MAP3K1: variants seen among roughly 807,000 people sequenced by gnomAD.
MAP3K1 encodes the protein MAP/ERK kinase kinase 1.
MAP3K1 carries 36 observed loss-of-function variants against 144.2 expected under a neutral mutation model. The ratio of observed to expected loss-of-function variants is 0.25; its 90% CI spans 0.19 to 0.33. MAP3K1 has a LOEUF of 0.33. Ranked by LOEUF, MAP3K1 falls within the 10% of genes least tolerant of loss-of-function variation. The pLI is 1.00. For synonymous variants in MAP3K1, 718 were observed against 688.7 expected (o/e 1.04, Z -0.67); for missense variants, 1,650 against 1,881.9 (o/e 0.88, Z 2.28).
At chr5:56,883,094 G>A (rs910341334) in intron 14 of MAP3K1, among the ~76,000 whole-genome samples, 2 of 152,206 alleles carry the variant, frequency 1.3e-5, no homozygotes, top group Non-Finnish European at 1.5e-5. Flanking sequence ...GGAAGCTGAG[G>A]TGGGGAGGGT....
Position 56,894,072 on chromosome 5 carries a change from G to T in MAP3K1, c.*392G>T, listed in dbSNP as rs189884848. 75 of 339,236 alleles carry T rather than the reference G, an allele frequency of 2.2e-4. 1 individual carries two copies. The East Asian group carries it at 3.1e-3, about 14-fold the overall frequency. The allele number at this position is 339,236 out of a possible 1,614,324, so 21.0% of individuals were successfully genotyped here. A position where few individuals can be genotyped will look rare whatever the true frequency, so the allele number is the denominator to read the frequency against. On this transcript the variant is annotated 3_prime_UTR_variant, in exon 20 of 20. Transcript: ENST00000399503. ...CTTCCATTTCATATAGTGATCACAAGCAGGGGGTTCTGCAATTCCGTTCAA... is the reference window on the plus strand; with the variant it reads ...CTTCCATTTCATATAGTGATCACAATCAGGGGGTTCTGCAATTCCGTTCAA...
At chr5:56,888,804 A>C (rs998068114) in intron 19 of MAP3K1, among the ~76,000 whole-genome samples, 3 of 152,196 alleles carry the variant, frequency 2.0e-5, no homozygotes, top group Non-Finnish European at 4.4e-5. Context: ...TATTAACTGC[A>C]TTTTCAACTT....
rs113321012 is a variant in MAP3K1, at chr5:56,860,043, T to TG, written c.834+136dup. 2,915 of 823,472 alleles carry TG rather than the reference T, an allele frequency of 3.5e-3. 4 individuals are homozygous for TG. The highest frequency in any genetic ancestry group is 8.7e-3 in the East Asian group (324 of 37,188). 51.0% of individuals were successfully genotyped at this position (823,472 alleles called of 1,614,324 possible). A position where few individuals can be genotyped will look rare whatever the true frequency, so the allele number is the denominator to read the frequency against. ...AATATGATCTGCAGACCCCTGAGGA[T>TG]GGGGGGGGTGGTTCCTGAGACCCTT... On this transcript the variant is annotated intron_variant, in intron 3 of 19. Transcript: ENST00000399503.
chr5:56,820,607 C>A (rs971645297), intron 1 of MAP3K1: 4 of 983,528 alleles, frequency 4.1e-6, no homozygotes, highest in Non-Finnish European at 4.8e-6. Flanking sequence ...TTGATTTGTG[C>A]TGTATTAAAT....
intron 1 of MAP3K1, among the ~76,000 whole-genome samples, chr5:56,826,237 T>TA (rs994984860): frequency 2.6e-5 from 4 of 152,184 alleles, no homozygotes; most frequent in African/African-American, 9.7e-5. Flanking sequence ...GGTATTCCAC[T>TA]AAAAAATAAA....
Position 56,860,049 on chromosome 5 carries a change from G to T in MAP3K1, c.834+134G>T, listed in dbSNP as rs1053891771. On this transcript the variant is annotated intron_variant, in intron 3 of 19. Transcript: ENST00000399503. ...ATCTGCAGACCCCTGAGGATGGGGG[G>T]GGTGGTTCCTGAGACCCTTTCTGGG... The T allele has an allele frequency of 4.5e-5, 37 of 820,522 alleles. No homozygotes were observed. In the East Asian group the frequency reaches 5.9e-4, roughly 13 times the overall value. The allele number at this position is 820,522 out of a possible 1,614,324, so 50.8% of individuals were successfully genotyped here. A position where few individuals can be genotyped will look rare whatever the true frequency, so the allele number is the denominator to read the frequency against.
At chr5:56,851,464 G>A (rs1172269628) in intron 1 of MAP3K1, among the ~76,000 whole-genome samples, 6 of 152,132 alleles carry the variant, frequency 3.9e-5, no homozygotes, top group Admixed American at 1.3e-4. Flanking sequence ...TGGTATAAAA[G>A]TGGCTGTCAT....
Position 56,882,541 on chromosome 5 carries a change from C to T in MAP3K1, c.3341C>T (p.Thr1114Ile), listed in dbSNP as rs1451626052. 1 of 1,614,082 alleles carries T rather than the reference C, an allele frequency of 6.2e-7. No individual in the cohort carries two copies. Among genetic ancestry groups the T allele is most frequent in the South Asian group, 1.1e-5 (1 of 91,076 alleles). The change falls in exon 14 of 20, where the codon ACC becomes ATC. Residue 1114 changes from threonine to isoleucine, a missense_variant. Transcript: ENST00000399503. ...ATACCCAGTGACGAGACAGTGTTCACCCCAGTAGAGGAGAAATGCAGATTA... is the reference window on the plus strand; with the variant it reads ...ATACCCAGTGACGAGACAGTGTTCATCCCAGTAGAGGAGAAATGCAGATTA... Reference protein sequence around the residue: ...AVIPSDETVFTPVEEKCRLDV... With the variant: ...AVIPSDETVFIPVEEKCRLDV...
chr5:56,871,899 CT>C lies in MAP3K1; in HGVS notation c.1302-7del. On this transcript the variant is annotated splice_polypyrimidine_tract_variant and intron_variant, in intron 6 of 19. Transcript: ENST00000399503. The stretch of plus-strand genomic sequence containing the variant: ...TTTATGCTTAATACTTTTTCTTCCC[CT>C]TTTCTATAGCATAAAGGATGAAGAG... The C allele has an allele frequency of 6.2e-7, 1 of 1,613,418 alleles. No homozygotes were observed. The highest frequency in any genetic ancestry group is 1.3e-5 in the African/African-American group (1 of 74,992).
chr5:56,837,140 C>T (rs1296774847), intron 1 of MAP3K1, among the ~76,000 whole-genome samples: 1 of 151,666 alleles, frequency 6.6e-6, no homozygotes, highest in African/African-American at 2.4e-5. Flanking sequence ...ACCCCCTGAG[C>T]TAGTTCCCTT....
intron 3 of MAP3K1, among the ~76,000 whole-genome samples, 191 bp from the exon 4 acceptor site, chr5:56,864,543 T>C (rs1424249192): frequency 6.6e-6 from 1 of 152,074 alleles, no homozygotes; most frequent in East Asian, 1.9e-4. Flanking sequence ...CCCAGCTGAT[T>C]TTTTGTATTT....
chr5:56,882,901 C>G (rs1579780651), intron 14 of MAP3K1, 35 bp downstream of exon 14: 3 of 1,536,672 alleles, frequency 2.0e-6, no homozygotes. Context: ...TAGAAAACTT[C>G]CTTGGGGCTG....
intron 1 of MAP3K1, among the ~76,000 whole-genome samples, chr5:56,839,976 CT>C (rs1381760490): frequency 6.6e-5 from 10 of 152,226 alleles, no homozygotes; most frequent in African/African-American, 2.2e-4. Context: ...TGTTTGGGGT[CT>C]CTAGAAGTTT....
chr5:56,865,644 C>A (rs1449126988), intron 5 of MAP3K1, among the ~76,000 whole-genome samples, 185 bp from the exon 6 acceptor site: 2 of 151,186 alleles, frequency 1.3e-5, no homozygotes, highest in African/African-American at 4.9e-5. Context: ...TTGAAAAAAA[C>A]AAACACTGAC....
Position 56,873,007 on chromosome 5 carries a change from T to C in MAP3K1, c.1686+2T>C, listed in dbSNP as rs1747906074. ...GATTTAGCTGAGCCATGGATTCAGG[T>C]AAGTAGTTCTTTGTTTTTCATTTCT... On this transcript the variant is annotated splice_donor_variant, in intron 9 of 19. Transcript: ENST00000399503. LOFTEE classifies it high-confidence loss of function. 6.2e-7 allele frequency: 1 copy of C among 1,612,926 alleles called. No homozygotes were observed. The highest frequency in any genetic ancestry group is 1.3e-5 in the African/African-American group (1 of 74,904).
chr5:56,883,721 C>G, intron 15 of MAP3K1, 42 bp downstream of exon 15: 1 of 1,589,314 alleles, frequency 6.3e-7, no homozygotes, highest in Non-Finnish European at 8.6e-7. Flanking sequence ...ACTCAAATCA[C>G]AAAATGAAGC....
At chr5:56,817,629 C>T (rs1746019052) in intron 1 of MAP3K1, among the ~76,000 whole-genome samples, 1 of 152,184 alleles carries the variant, frequency 6.6e-6, no homozygotes, top group African/African-American at 2.4e-5. Flanking sequence ...ATAGTTTTCC[C>T]ATTTCTGTGC....
chr5:56,847,334 T>C (rs1363833950), intron 1 of MAP3K1, among the ~76,000 whole-genome samples: 1 of 152,250 alleles, frequency 6.6e-6, no homozygotes, highest in Non-Finnish European at 1.5e-5. Context: ...TGGTGGCTCA[T>C]GCCTGTAATC....
At chr5:56,865,738 CA>C in intron 5 of MAP3K1, 90 bp from the exon 6 acceptor site, 1 of 1,347,978 alleles carries the variant, frequency 7.4e-7, no homozygotes, top group Non-Finnish European at 1.1e-6. Flanking sequence ...GAAAAACATG[CA>C]AATTAAAGAT....
Sources: allele counts gnomAD v4.1 joint callset (sites outside exome capture counted in the v4.1 genomes callset), GRCh38; gene constraint gnomAD v4.1.1; transcripts MANE v1.5; gene names NCBI Gene and HGNC (gene_info 2026-07-23, HGNC 2026-07-21).